AGBL5: variants seen among roughly 807,000 people sequenced by gnomAD.
AGBL5 encodes the protein cytosolic carboxypeptidase-like protein 5.
Under a neutral mutation model 88.0 loss-of-function variants are expected in AGBL5, and 51 were observed. The observed-to-expected ratio is 0.58, with a 90% confidence interval of 0.46 to 0.73. The LOEUF (loss-of-function observed/expected upper bound fraction) is 0.73. AGBL5 is among the 30% of genes least tolerant of loss of function. The pLI, the probability that AGBL5 is intolerant of heterozygous loss-of-function variation, is 0.00. For missense variants in AGBL5, 1,031 were observed against 1,162.2 expected (o/e 0.89, Z 1.64); for synonymous variants, 446 against 438.8 (o/e 1.02, Z -0.21).
At chr2:27,068,285 G>A (rs1481385713) in intron 12 of AGBL5, among the ~76,000 whole-genome samples, 2 of 152,160 alleles carry the variant, frequency 1.3e-5, no homozygotes, top group African/African-American at 2.4e-5. Context: ...TGACACAGGA[G>A]TTAAGCTTGG....
chr2:27,064,608 G>A (rs771566262), intron 11 of AGBL5, among the ~76,000 whole-genome samples: 41 of 151,756 alleles, frequency 2.7e-4, no homozygotes, highest in Middle Eastern at 3.4e-3. Flanking sequence ...CTTGACCACC[G>A]TCTTAACCTA....
intron 10 of AGBL5, 87 bp from the exon 11 acceptor site, chr2:27,059,103 T>C: frequency 7.5e-7 from 1 of 1,339,368 alleles, no homozygotes; most frequent in South Asian, 1.4e-5. Context: ...ACCCCAGAGG[T>C]GAAGCTTTAC....
chr2:27,054,511 A>G (rs1185019336), intron 4 of AGBL5, 119 bp from the exon 5 acceptor site: 5 of 917,966 alleles, frequency 5.4e-6, no homozygotes, highest in East Asian at 4.8e-5. Context: ...GTGAGGGACT[A>G]TAAGGCCCCA....
At position 27,060,107 on chromosome 2, in the gene AGBL5, C is replaced by G. The variant is rs150692450; in HGVS notation, c.2089+703C>G. Among the ~76,000 whole-genome samples, 478 of 152,324 alleles carry G rather than the reference C, an allele frequency of 3.1e-3. 1 individual carries two copies. Among genetic ancestry groups the G allele is most frequent in the African/African-American group, 0.011 (446 of 41,562 alleles). On this transcript the variant is annotated intron_variant, in intron 11 of 14. Coordinates refer to ENST00000360131, the MANE Select transcript of AGBL5 (RefSeq NM_021831.6). ...GAAGTTGCAGTGAGCCAAGATCGTG[C>G]CACTGCACTCCAGCCTGGGCAACAG...
rs775021473 is a variant in AGBL5, at chr2:27,067,510, C to T, written c.2106C>T (p.Asp702=). The change falls in exon 12 of 15, where the codon GAC becomes GAT. Residue 702 remains aspartate, a synonymous_variant. Transcript: ENST00000360131. The part of the protein sequence containing the change: ...LGPVREPRSQ[D]RRRQQQPLNH... ...TCCACTCAGAGCCCCGAAGCCAGGA[C>T]AGGAGACGGCAGCAGCAGCCCCTGA... 1 of 1,614,076 alleles carries T rather than the reference C, an allele frequency of 6.2e-7. No homozygotes were observed. The highest frequency in any genetic ancestry group is 8.5e-7 in the Non-Finnish European group (1 of 1,179,990).
At chr2:27,066,128 G>A (rs754838640) in intron 11 of AGBL5, among the ~76,000 whole-genome samples, 37 of 151,688 alleles carry the variant, frequency 2.4e-4, no homozygotes, top group Non-Finnish European at 4.4e-4. Flanking sequence ...GCTTGGTGGC[G>A]TGTGCCTGTT....
intron 14 of AGBL5, 144 bp downstream of exon 14, chr2:27,069,850 AT>A (rs909854043): frequency 5.2e-5 from 76 of 1,448,186 alleles, no homozygotes; most frequent in Admixed American, 1.4e-4. Flanking sequence ...CTAGTCCCTG[AT>A]TTTTTTTTCC....
At chr2:27,054,235 C>G (rs1160545891) in intron 4 of AGBL5, 176 bp downstream of exon 4, 1 of 738,960 alleles carries the variant, frequency 1.4e-6, no homozygotes, top group East Asian at 2.9e-5. Context: ...TGACCCTGAT[C>G]TCAGCATATC....
chr2:27,057,851 G>A (rs561919527), intron 9 of AGBL5, among the ~76,000 whole-genome samples: 144 of 152,288 alleles, frequency 9.5e-4, no homozygotes, highest in African/African-American at 3.3e-3. Flanking sequence ...CAAGGCAGGC[G>A]GATCACCTGA....
intron 4 of AGBL5, 42 bp downstream of exon 4, chr2:27,054,101 A>G: frequency 6.4e-7 from 1 of 1,557,344 alleles, no homozygotes; most frequent in East Asian, 2.3e-5. Flanking sequence ...GTCCTGGATC[A>G]GACAGCACCT....
At chr2:27,057,534 T>C (rs1255339522) in intron 9 of AGBL5, 96 bp downstream of exon 9, 1 of 1,356,312 alleles carries the variant, frequency 7.4e-7, no homozygotes, top group East Asian at 2.5e-5. Flanking sequence ...TTTGAAGAGA[T>C]ATTCATCACT....
At chr2:27,059,616 T>A in intron 11 of AGBL5, 1 of 1,153,212 alleles carries the variant, frequency 8.7e-7, no homozygotes, top group Non-Finnish European at 1.2e-6. Flanking sequence ...GGGGGAAGTC[T>A]GGGTATCTGG....
chr2:27,067,873 C>A (rs1359610642), intron 12 of AGBL5: 1 of 597,026 alleles, frequency 1.7e-6, no homozygotes, highest in East Asian at 3.0e-5. Context: ...CACTGCTCTA[C>A]ACACTTAATC....
rs1198279196 is a variant in AGBL5 at position 27,053,857 on chromosome 2, T to G, written c.388-39T>G. 1.3e-6 allele frequency: 2 copies of G among 1,585,608 alleles called. No individual in the cohort carries two copies. The highest frequency in any genetic ancestry group is 2.7e-5 in the African/African-American group (2 of 74,466). On this transcript the variant is annotated intron_variant, in intron 3 of 14. Coordinates refer to ENST00000360131, the MANE Select transcript of AGBL5 (RefSeq NM_021831.6). This position sits in a 1 kb window ranked among gnomAD's most constrained non-coding sequence, Gnocchi z 4.9. ...CCCAGTAGGAGCTCAGTTCTGACAA[T>G]GGCATGTTGCCCCTCCCTCTTCCTC...
chr2:27,053,493 T>G lies in AGBL5; in HGVS notation c.307T>G (p.Ser103Ala). Residue 103 changes from serine (S) to alanine (A), a missense_variant, in exon 3 of 15, where the codon TCC (serine) becomes GCC (alanine). Ser to Ala is a moderately conservative substitution (Grantham distance 99). Coordinates refer to ENST00000360131, the MANE Select transcript of AGBL5 (RefSeq NM_021831.6). The surrounding 1 kb of genome is among the most constrained non-coding windows in gnomAD (Gnocchi z 4.9). ...CATGAACAAGCAGAGCAAGCTGTAT[T>G]CCCAGGGCATGGCCCCCTTTGTGCG... Reference protein sequence around the residue: ...MNMNKQSKLYSQGMAPFVRTL... With the variant: ...MNMNKQSKLYAQGMAPFVRTL... 2 of 1,614,112 alleles carry G rather than the reference T, an allele frequency of 1.2e-6. No individual in the cohort carries two copies. The highest frequency in any genetic ancestry group is 1.7e-6 in the Non-Finnish European group (2 of 1,180,044).
At chr2:27,066,763 GGC>G (rs1669007619) in intron 11 of AGBL5, among the ~76,000 whole-genome samples, 1 of 151,656 alleles carries the variant, frequency 6.6e-6, no homozygotes, top group Admixed American at 6.6e-5. Context: ...TGGGCAACAT[GGC>G]AAAACCCCGT....
rs757675623 is a variant in AGBL5 at position 27,053,599 on chromosome 2, A to C, written c.387+26A>C. ...GTAAGTTCTCCATGAGGAGGAAAGA[A>C]AGACTTGGGTGCTAAAAGTAGAGAG... On this transcript the variant is annotated intron_variant, in intron 3 of 14. Transcript: ENST00000360131. This position sits in a 1 kb window ranked among gnomAD's most constrained non-coding sequence, Gnocchi z 4.9. 29 of 1,593,076 alleles carry C rather than the reference A, an allele frequency of 1.8e-5. No homozygotes were observed. The highest frequency in any genetic ancestry group is 2.5e-5 in the Non-Finnish European group (29 of 1,171,518).
chr2:27,054,078 C>A lies in AGBL5; in HGVS notation c.551+19C>A. 1 of 1,602,534 alleles carries A rather than the reference C, an allele frequency of 6.2e-7. No individual in the cohort carries two copies. Among genetic ancestry groups the A allele is most frequent in the South Asian group, 1.1e-5 (1 of 89,912 alleles). On this transcript the variant is annotated intron_variant, in intron 4 of 14. Transcript: ENST00000360131. The stretch of plus-strand genomic sequence containing the variant: ...ATAGCAGGTGCCAGCCCCATTCTTA[C>A]TCCTGCCACACAGTCCTGGATCAGA...
At chr2:27,052,319 T>C (rs992243443) in intron 1 of AGBL5, 2 of 152,292 alleles carry the variant, frequency 1.3e-5, no homozygotes, top group African/African-American at 4.8e-5. Context: ...TGTTATAGTT[T>C]TTCTCCATAC....
Sources: gnomAD v4.1 joint callset for allele counts (sites outside exome capture counted in the v4.1 genomes callset) on GRCh38, gnomAD v4.1.1 for gene constraint, Gnocchi (gnomAD v3.1) non-coding constraint, MANE v1.5 for transcripts, NCBI Gene and HGNC (gene_info 2026-07-23, HGNC 2026-07-21) for gene names.